The following STAM2 variants were observed in gnomAD, a reference collection of about 807,000 sequenced individuals.
STAM2 encodes signal transducing adaptor molecule 2.
A neutral mutation model predicts 65.6 loss-of-function variants in STAM2; 51 were observed. The observed-to-expected ratio is 0.78, with a 90% CI of 0.62 to 0.98. The LOEUF (loss-of-function observed/expected upper bound fraction) is 0.98, where lower values mean the gene tolerates loss of function less well. STAM2 is among the 50% of genes least tolerant of loss of function. The pLI, the probability that STAM2 is intolerant of heterozygous loss-of-function variation, is 0.00. For missense variants in STAM2, 584 were observed against 617.8 expected (o/e 0.95, Z 0.58); for synonymous variants, 198 against 208.4 (o/e 0.95, Z 0.43).
chr2:152,148,809 G>A (rs1185182697), intron 2 of STAM2, among the ~76,000 whole-genome samples: 1 of 150,898 alleles, frequency 6.6e-6, no homozygotes, highest in African/African-American at 2.4e-5. Context: ...TGCAAATGTT[G>A]TGTATTCCAA....
Position 152,143,813 on chromosome 2 carries a change from G to C in STAM2, c.704+14C>G. 1 of 1,599,112 alleles carries C rather than the reference G, an allele frequency of 6.3e-7. No individual in the cohort carries two copies. Among genetic ancestry groups the C allele is most frequent in the Non-Finnish European group, 8.5e-7 (1 of 1,171,626 alleles). ...ATTACACTTTAAACCTTCCCATAAA[G>C]ATTTAAAACTTACCTGTCATCCAAA... On this transcript the variant is annotated intron_variant, in intron 7 of 13. Transcript: ENST00000263904.
At chr2:152,173,758 T>C in intron 1 of STAM2, among the ~76,000 whole-genome samples, 1 of 152,226 alleles carries the variant, frequency 6.6e-6, no homozygotes, top group Non-Finnish European at 1.5e-5. Context: ...TAATATATAA[T>C]TTTTCTTCTA....
At chr2:152,141,274 G>T (rs1392260241) in intron 7 of STAM2, among the ~76,000 whole-genome samples, 3 of 151,968 alleles carry the variant, frequency 2.0e-5, no homozygotes, top group Non-Finnish European at 2.9e-5. Flanking sequence ...AGTGGCTCAC[G>T]CCTGTAATCC....
intron 7 of STAM2, among the ~76,000 whole-genome samples, chr2:152,138,712 G>A (rs921698511): frequency 2.0e-5 from 3 of 152,270 alleles, no homozygotes; most frequent in Middle Eastern, 3.4e-3. Context: ...AATAACTGAT[G>A]TATTGATGTA....
chr2:152,173,109 A>C (rs1450913303), intron 1 of STAM2, among the ~76,000 whole-genome samples: 3 of 151,590 alleles, frequency 2.0e-5, no homozygotes, highest in Admixed American at 6.6e-5. Context: ...AGGAACTCAC[A>C]GTCTATTTAC....
chr2:152,155,692 T>C (rs193204659), intron 1 of STAM2, among the ~76,000 whole-genome samples: 1 of 152,250 alleles, frequency 6.6e-6, no homozygotes. Flanking sequence ...GTTTTTGCTA[T>C]AACAGAATCT....
At chr2:152,148,449 C>A in intron 2 of STAM2, 149 bp from the exon 3 acceptor site, 1 of 629,992 alleles carries the variant, frequency 1.6e-6, no homozygotes, top group Non-Finnish European at 2.6e-6. Flanking sequence ...GCGGGAGGAT[C>A]ACTTGAGCCC....
chr2:152,171,975 A>C (rs1206457387), intron 1 of STAM2, among the ~76,000 whole-genome samples: 1 of 152,210 alleles, frequency 6.6e-6, no homozygotes, highest in Non-Finnish European at 1.5e-5. Flanking sequence ...AGGAAATGAC[A>C]TCTTCTCTGT....
chr2:152,146,915 T>C (rs1471649501), intron 5 of STAM2, among the ~76,000 whole-genome samples: 4 of 152,246 alleles, frequency 2.6e-5, no homozygotes, highest in African/African-American at 9.6e-5. Context: ...GCCTTTTGCA[T>C]GACTGTAGAC....
chr2:152,159,094 C>CATATATATATATATATATATATATAGAT (rs10524193), intron 1 of STAM2, among the ~76,000 whole-genome samples: 1 of 103,054 alleles, frequency 9.7e-6, no homozygotes, highest in African/African-American at 4.5e-5. Context: ...AAAAAAAAAC[C>CATATATATATATATATATATATATAGAT]ATATATATAT....
At chr2:152,151,335 C>T (rs990443196) in intron 1 of STAM2, among the ~76,000 whole-genome samples, 4 of 152,084 alleles carry the variant, frequency 2.6e-5, no homozygotes, top group Admixed American at 1.3e-4. Context: ...GCGCCTGCCA[C>T]CACACTCGGC....
At chr2:152,135,377 G>T in intron 8 of STAM2, 132 bp downstream of exon 8, 1 of 657,664 alleles carries the variant, frequency 1.5e-6, no homozygotes, top group Non-Finnish European at 2.6e-6. Flanking sequence ...AAGTAGGTTA[G>T]ATTGTCATGC....
intron 10 of STAM2, among the ~76,000 whole-genome samples, chr2:152,132,892 G>A (rs901044883): frequency 6.6e-6 from 1 of 152,068 alleles, no homozygotes; most frequent in Admixed American, 6.5e-5. Flanking sequence ...TCAATTTGAT[G>A]TACTGTTATT....
chr2:152,134,185 A>C (rs1689112597), intron 8 of STAM2, among the ~76,000 whole-genome samples: 1 of 152,166 alleles, frequency 6.6e-6, no homozygotes, highest in African/African-American at 2.4e-5. Flanking sequence ...TATGTAGCCA[A>C]ACAATTTTAA....
At chr2:152,144,809 T>A (rs1689309188) in intron 6 of STAM2, 79 bp downstream of exon 6, 1 of 1,227,282 alleles carries the variant, frequency 8.1e-7, no homozygotes, top group South Asian at 1.2e-5. Flanking sequence ...AGTGCTGGGA[T>A]TACAGGCGTG....
chr2:152,132,190 C>T (rs766010302), intron 10 of STAM2, 22 bp from the exon 11 acceptor site: 1 of 1,585,586 alleles, frequency 6.3e-7, no homozygotes, highest in South Asian at 1.1e-5. Context: ...AAAATACTTA[C>T]AAATATAGAA....
chr2:152,164,184 A>G (rs1689735679), intron 1 of STAM2, among the ~76,000 whole-genome samples: 1 of 151,804 alleles, frequency 6.6e-6, no homozygotes, highest in South Asian at 2.1e-4. Flanking sequence ...CTTTCTCTCT[A>G]TTTCTCAGAC....
chr2:152,144,132 T>A, intron 6 of STAM2, 119 bp from the exon 7 acceptor site: 3 of 679,522 alleles, frequency 4.4e-6, no homozygotes, highest in Non-Finnish European at 6.9e-6. Context: ...AATTACATGC[T>A]ACAGTTAACT....
chr2:152,175,587 C>T lies in STAM2; in HGVS notation c.40+16G>A, dbSNP rs917223883. ...GGCCAGGCACACAGCAGTCCAGGAC[C>T]GGGCACAGCACTCACCCACGTCTTG... On this transcript the variant is annotated intron_variant, in intron 1 of 13. Coordinates refer to ENST00000263904, the MANE Select transcript of STAM2 (RefSeq NM_005843.6). The T allele has an allele frequency of 1.9e-6, 3 of 1,613,896 alleles. No individual in the cohort carries two copies. The highest frequency in any genetic ancestry group is 2.5e-6 in the Non-Finnish European group (3 of 1,179,944).
Sources: gnomAD v4.1 joint callset for allele counts (sites outside exome capture counted in the v4.1 genomes callset) on GRCh38, gnomAD v4.1.1 for gene constraint, MANE v1.5 for transcripts, NCBI Gene and HGNC (gene_info 2026-07-23, HGNC 2026-07-21) for gene names.